The following PIP4P1 variants were observed in gnomAD, a reference collection of about 807,000 sequenced individuals.
The protein encoded by PIP4P1 is type 1 phosphatidylinositol 4,5-bisphosphate 4-phosphatase.
PIP4P1 carries 14 observed loss-of-function variants against 32.3 expected under a neutral mutation model. The ratio of observed to expected loss-of-function variants is 0.43; its 90% confidence interval spans 0.29 to 0.68. PIP4P1 has a LOEUF of 0.68. Among genes scored for constraint, PIP4P1 ranks in the 30% least tolerant of loss-of-function variants. The probability of loss-of-function intolerance (pLI) is 0.15; values close to 1 mark genes in which losing one functional copy is unlikely to be tolerated. For missense variants in PIP4P1, 289 were observed against 364.5 expected (o/e 0.79, Z 1.69); for synonymous variants, 132 against 137.9 (o/e 0.96, Z 0.30).
intron 1 of PIP4P1, 29 bp from the exon 2 acceptor site, chr14:20,460,874 G>T: frequency 6.5e-7 from 1 of 1,529,850 alleles, no homozygotes; most frequent in African/African-American, 1.4e-5. Flanking sequence ...GAAGGGCTGG[G>T]ATCACTTACA....
chr14:20,460,847 T>G lies in PIP4P1; in HGVS notation c.143-2A>C. On this transcript the variant is annotated splice_acceptor_variant, in intron 1 of 6. Transcript: ENST00000250489. LOFTEE classifies it high-confidence loss of function. ...GCCCCTCGGGAAACGGGGGAAATGC[T>G]GGAGAGGAAGCAAATAGAAGGGCTG... is the stretch of plus-strand genomic sequence containing the variant. 6.5e-7 allele frequency: 1 copy of G among 1,545,538 alleles called. No homozygotes were observed. The highest frequency in any genetic ancestry group is 8.7e-7 in the Non-Finnish European group (1 of 1,149,746).
chr14:20,458,801 G>C, intron 6 of PIP4P1, 99 bp from the exon 7 acceptor site: 1 of 1,456,470 alleles, frequency 6.9e-7, no homozygotes. Context: ...TCACGCTTCA[G>C]TCCTTGTTCC....
Position 20,458,099 on chromosome 14 carries a change from G to C in PIP4P1, c.*460C>G, listed in dbSNP as rs1881512608. On this transcript the variant is annotated 3_prime_UTR_variant, in exon 7 of 7. Coordinates refer to ENST00000250489, the MANE Select transcript of PIP4P1 (RefSeq NM_144568.4). ...ACCCCACCCCCACAGGACACAATGTGGGGAGAGGAGACTGAGGGTACTGAG... is the reference window on the plus strand; with the variant it reads ...ACCCCACCCCCACAGGACACAATGTCGGGAGAGGAGACTGAGGGTACTGAG... 2.8e-6 allele frequency: 1 copy of C among 361,554 alleles called. No individual in the cohort carries two copies. The allele number at this position is 361,554 out of a possible 1,614,324, so 22.4% of individuals were successfully genotyped here.
At chr14:20,460,906 G>C in intron 1 of PIP4P1, 61 bp from the exon 2 acceptor site, 1 of 1,477,786 alleles carries the variant, frequency 6.8e-7, no homozygotes, top group Non-Finnish European at 9.0e-7. Context: ...GCTCCACGGT[G>C]GTAGGGAAGT....
intron 1 of PIP4P1, 29 bp downstream of exon 1, chr14:20,461,155 C>G: frequency 7.9e-7 from 1 of 1,261,008 alleles, no homozygotes; most frequent in Non-Finnish European, 1.0e-6. Context: ...GGACCCGCCC[C>G]GGCTTACCCT....
At position 20,458,336 on chromosome 14, in the gene PIP4P1, A is replaced by G. The variant is rs1220751068; in HGVS notation, c.*223T>C. 2.7e-6 allele frequency: 2 copies of G among 727,626 alleles called. No homozygotes were observed. Among genetic ancestry groups the G allele is most frequent in the South Asian group, 3.0e-5 (2 of 67,346 alleles). The allele number at this position is 727,626 out of a possible 1,614,324, so 45.1% of individuals were successfully genotyped here. On this transcript the variant is annotated 3_prime_UTR_variant, in exon 7 of 7. Coordinates refer to ENST00000250489, the MANE Select transcript of PIP4P1 (RefSeq NM_144568.4). ...CAACGTTTTGCCTACTTCACCCTAG[A>G]CACAGCAACCCTTGGAGGAAAGCAG...
chr14:20,459,108 C>T (rs74533796), intron 6 of PIP4P1, 98 bp downstream of exon 6: 156,917 of 1,306,918 alleles, frequency 0.12, 13,020 homozygotes, highest in East Asian at 0.47. Flanking sequence ...ACTAGTCCCC[C>T]AAGTTTCTTC....
chr14:20,461,025 G>A (rs919362360), intron 1 of PIP4P1, 159 bp downstream of exon 1: 11 of 1,257,938 alleles, frequency 8.7e-6, no homozygotes, highest in Non-Finnish European at 1.1e-5. Flanking sequence ...TCGCGATTAC[G>A]GAGGGAAGGA....
chr14:20,460,605 G>A (rs755874427), intron 2 of PIP4P1, 50 bp downstream of exon 2: 25 of 1,590,350 alleles, frequency 1.6e-5, no homozygotes, highest in Non-Finnish European at 1.9e-5. Context: ...CAAGACATCA[G>A]AAAGAGGATC....
At chr14:20,459,807 C>T (rs1881632984) in intron 3 of PIP4P1, 74 bp from the exon 4 acceptor site, 1 of 1,140,528 alleles carries the variant, frequency 8.8e-7, no homozygotes, top group Non-Finnish European at 1.3e-6. Flanking sequence ...TCTTCACAGT[C>T]CCTGTTCCAC....
rs200349549 is a variant in PIP4P1 at position 20,458,545 on chromosome 14, G to A, written c.*14C>T. On this transcript the variant is annotated 3_prime_UTR_variant, in exon 7 of 7. Transcript: ENST00000250489. Reference sequence around the variant, plus strand: ...ACCAGGGAGGGGCCAGGCACAGTCTGTGGGTCATCAGGCTCAGGAGAAGTT... The same window carrying A: ...ACCAGGGAGGGGCCAGGCACAGTCTATGGGTCATCAGGCTCAGGAGAAGTT... 1,047 of 1,612,706 alleles carry A rather than the reference G, an allele frequency of 6.5e-4. 9 individuals carry two copies. The Middle Eastern group carries it at 0.022, about 33-fold the overall frequency.
Position 20,458,046 on chromosome 14 carries a change from C to A in PIP4P1, c.*513G>T, listed in dbSNP as rs117872376. 70 of 334,650 alleles carry A rather than the reference C, an allele frequency of 2.1e-4. 1 individual carries two copies. In the East Asian group the frequency reaches 4.3e-3, roughly 21 times the overall value. 20.7% of individuals were successfully genotyped at this position (334,650 alleles called of 1,614,324 possible). On this transcript the variant is annotated 3_prime_UTR_variant, in exon 7 of 7. Coordinates refer to ENST00000250489, the MANE Select transcript of PIP4P1 (RefSeq NM_144568.4). ...TTAAATAGTTATATACACATCAGTT[C>A]CTGTGGTTCTGTACAGAGCAGCGGC...
In PIP4P1 at chr14:20,457,961, G is replaced by T. The variant is rs908639185; in HGVS notation, c.*598C>A. 6.4e-6 allele frequency: 2 copies of T among 310,362 alleles called. No homozygotes were observed. The highest frequency in any genetic ancestry group is 2.2e-5 in the African/African-American group (1 of 46,044). 19.2% of individuals were successfully genotyped at this position (310,362 alleles called of 1,614,324 possible). On this transcript the variant is annotated 3_prime_UTR_variant, in exon 7 of 7. Transcript: ENST00000250489. ...CCAGTTAAATACTGCAACTGGGGGG[G>T]TAAAAAAGGTCGGGAGGAGGAATTA...
intron 4 of PIP4P1, 27 bp downstream of exon 4, chr14:20,459,601 C>G: frequency 6.3e-7 from 1 of 1,599,928 alleles, no homozygotes; most frequent in East Asian, 2.2e-5. Context: ...CTCCTTTCCC[C>G]TCCCCTTCCC....
chr14:20,460,089 A>C (rs1881644290), intron 3 of PIP4P1, 103 bp downstream of exon 3: 1 of 887,064 alleles, frequency 1.1e-6, no homozygotes, highest in African/African-American at 1.6e-5. Flanking sequence ...TTTTCTCCTA[A>C]ATAAACACTA....
intron 1 of PIP4P1, 42 bp from the exon 2 acceptor site, chr14:20,460,887 C>A (rs576765751): frequency 1.8e-4 from 273 of 1,502,174 alleles, no homozygotes; most frequent in Middle Eastern, 1.2e-3. Context: ...CACTTACACC[C>A]CCACTGATGC....
intron 6 of PIP4P1, 43 bp downstream of exon 6, chr14:20,459,163 G>GATGA (rs1881595739): frequency 6.3e-7 from 1 of 1,585,416 alleles, no homozygotes; most frequent in African/African-American, 1.3e-5. Context: ...AGCCTATGGA[G>GATGA]ATGAGGCTGC....
intron 1 of PIP4P1, 150 bp downstream of exon 1, chr14:20,461,034 G>A (rs1881687076): frequency 1.6e-6 from 2 of 1,270,760 alleles, no homozygotes; most frequent in Non-Finnish European, 2.0e-6. Context: ...CGGAGGGAAG[G>A]AAGCCTCGCC....
Position 20,459,193 on chromosome 14 carries a change from C to T in PIP4P1, c.690+13G>A, listed in dbSNP as rs531669327. 9 of 1,613,560 alleles carry T rather than the reference C, an allele frequency of 5.6e-6. No individual in the cohort carries two copies. Among genetic ancestry groups the T allele is most frequent in the East Asian group, 2.2e-5 (1 of 44,884 alleles). On this transcript the variant is annotated intron_variant, in intron 6 of 6. Transcript: ENST00000250489. ...GGCTGCAGAATGAAAGAGGTTGGGG[C>T]AAGGGTACTCACGGCAAGGCCAGTG...
Sources: allele counts gnomAD v4.1 joint callset, GRCh38; gene constraint gnomAD v4.1.1; transcripts MANE v1.5; gene names NCBI Gene and HGNC (gene_info 2026-07-23, HGNC 2026-07-21).